Variants in MYO19 observed in about 807,000 individuals in gnomAD.
MYO19 encodes the protein unconventional myosin-XIX.
In MYO19, 132 loss-of-function variants were observed where a neutral mutation model predicts 129.2. That is an observed-to-expected ratio of 1.02 (90% CI 0.89 to 1.18). MYO19 has a LOEUF of 1.18. Among genes scored for constraint, MYO19 ranks in the 50% most tolerant of loss-of-function variants. The pLI, the probability that MYO19 is intolerant of heterozygous loss-of-function variation, is 0.00. For missense variants in MYO19, 1,210 were observed against 1,216.7 expected (o/e 0.99, Z 0.08); for synonymous variants, 531 against 477.2 (o/e 1.11, Z -1.47).
chr17:36,504,042 G>A (rs1321201172), intron 19 of MYO19, 22 bp from the exon 20 acceptor site: 2 of 1,532,404 alleles, frequency 1.3e-6, no homozygotes, highest in African/African-American at 1.4e-5. Context: ...GGGAGACAGG[G>A]CAGGCACCTG....
At chr17:36,515,088 T>A in intron 8 of MYO19, 25 bp downstream of exon 8, 1 of 1,590,234 alleles carries the variant, frequency 6.3e-7, no homozygotes, top group South Asian at 1.1e-5. Context: ...ATCCTCCCAC[T>A]AGCCAGGGCA....
chr17:36,538,258 G>A (rs1469255144), upstream of MYO19: 4 of 1,613,268 alleles, frequency 2.5e-6, no homozygotes, highest in Non-Finnish European at 3.4e-6. Flanking sequence ...ATCCTTCTTA[G>A]TAGTTTATTA....
chr17:36,511,570 G>T, intron 11 of MYO19, 115 bp from the exon 12 acceptor site: 1 of 877,656 alleles, frequency 1.1e-6, no homozygotes, highest in Non-Finnish European at 1.8e-6. Flanking sequence ...TCCCAATCAT[G>T]GCCCAAGTGC....
intron 2 of MYO19, among the ~76,000 whole-genome samples, chr17:36,540,858 T>G (rs1301304827): frequency 6.6e-6 from 1 of 152,208 alleles, no homozygotes; most frequent in African/African-American, 2.4e-5. Flanking sequence ...TCTAATCAAC[T>G]ATCATTTTCC....
In MYO19 at chr17:36,501,314, C is replaced by T. The variant is rs2071513190; in HGVS notation, c.2081-79G>A. The T allele has an allele frequency of 2.5e-5, 36 of 1,433,850 alleles. No homozygotes were observed. The South Asian group carries it at 3.7e-4, about 15-fold the overall frequency. The allele number at this position is 1,433,850 out of a possible 1,614,324, so 88.8% of individuals were successfully genotyped here. A position where few individuals can be genotyped will look rare whatever the true frequency, so the allele number is the denominator to read the frequency against. On this transcript the variant is annotated intron_variant, in intron 21 of 25. Coordinates refer to ENST00000614623, the MANE Select transcript of MYO19 (RefSeq NM_001163735.2). ...GGCCTGAAGAAACTGGCTTTGGCCTCCCTAGCACTCTACAGGTCTCTTTCC... is the reference window on the plus strand; with the variant it reads ...GGCCTGAAGAAACTGGCTTTGGCCTTCCTAGCACTCTACAGGTCTCTTTCC...
At chr17:36,507,216 A>G in intron 16 of MYO19, 77 bp from the exon 17 acceptor site, 2 of 1,547,286 alleles carry the variant, frequency 1.3e-6, no homozygotes, top group Non-Finnish European at 1.8e-6. Flanking sequence ...CACCCTGTGG[A>G]CCCCATGACA....
chr17:36,512,820 C>A, intron 11 of MYO19: 1 of 1,264,126 alleles, frequency 7.9e-7, no homozygotes, highest in Non-Finnish European at 1.0e-6. Flanking sequence ...TCAGCTCTGT[C>A]AGCAAAGACA....
rs370366450 is a variant in MYO19, at chr17:36,507,412, G to A, written c.1454C>T (p.Ser485Phe). 9 of 1,613,334 alleles carry A rather than the reference G, an allele frequency of 5.6e-6. No homozygotes were observed. Among genetic ancestry groups the A allele is most frequent in the African/African-American group, 4.0e-5 (3 of 74,914 alleles). The change falls in exon 16 of 26, where the codon TCC (serine) becomes TTC (phenylalanine). Residue 485 changes from serine to phenylalanine, a missense_variant. Ser to Phe is a radical substitution (Grantham distance 155). Transcript: ENST00000614623. ...TGACCTCCCCACCTCATTTATGAGG[G>A]AGCAGATGCTGATGGGGCTTCCCTC... is the stretch of plus-strand genomic sequence containing the variant. ...LIEGSPISIC[S>F]LINEECRLNR... is the part of the protein sequence containing the mutation.
intron 3 of MYO19, among the ~76,000 whole-genome samples, chr17:36,531,366 G>T (rs1478141245): frequency 1.5e-5 from 2 of 137,724 alleles, no homozygotes; most frequent in Admixed American, 1.6e-4. Flanking sequence ...CTACACTCCA[G>T]CCTGGATGAC....
chr17:36,497,988 C>T (rs890990479), intron 25 of MYO19: 1 of 446,932 alleles, frequency 2.2e-6, no homozygotes, highest in Non-Finnish European at 4.0e-6. Flanking sequence ...TTGCTAGAAA[C>T]GCAGCATTGC....
Position 36,506,713 on chromosome 17 carries a change from G to A in MYO19, c.1645-105C>T, listed in dbSNP as rs934016114. ...GATGACGGGGCTTCCAGGTAGGACA[G>A]GGCCTGAGTCCAAGAGAAGGTCCAT... is the stretch of plus-strand genomic sequence containing the variant. On this transcript the variant is annotated intron_variant, in intron 17 of 25. Coordinates refer to ENST00000614623, the MANE Select transcript of MYO19 (RefSeq NM_001163735.2). 2.9e-6 allele frequency: 4 copies of A among 1,359,148 alleles called. No homozygotes were observed. The African/African-American group carries it at 4.4e-5, about 15-fold the overall frequency. The allele number at this position is 1,359,148 out of a possible 1,614,324, so 84.2% of individuals were successfully genotyped here. A position where few individuals can be genotyped will look rare whatever the true frequency, so the allele number is the denominator to read the frequency against.
chr17:36,527,730 G>T lies in MYO19; in HGVS notation c.152-31C>A, dbSNP rs373140861. 7 of 1,595,026 alleles carry T rather than the reference G, an allele frequency of 4.4e-6. No individual in the cohort carries two copies. The African/African-American group carries it at 6.7e-5, about 15-fold the overall frequency. On this transcript the variant is annotated intron_variant, in intron 4 of 25. Coordinates refer to ENST00000614623, the MANE Select transcript of MYO19 (RefSeq NM_001163735.2). ...GCAGAGATGCCTTTAGCAAACTCGG[G>T]CTCAAATATAGTCAAACCACACACA...
At chr17:36,516,117 C>T in intron 6 of MYO19, 127 bp from the exon 7 acceptor site, 1 of 1,132,942 alleles carries the variant, frequency 8.8e-7, no homozygotes, top group Non-Finnish European at 1.2e-6. Flanking sequence ...TGGGTGAAGG[C>T]AGAATTCAAC....
rs2142110340 is a variant in MYO19 at position 36,515,766 on chromosome 17, A to G, written c.547+92T>C. On this transcript the variant is annotated intron_variant, in intron 7 of 25. Transcript: ENST00000614623. ...CACTCATCCTCCACCCCCACCCAAG[A>G]GAGGGTCTCAAAGCACTGTCCCTCT... 2.8e-6 allele frequency: 4 copies of G among 1,426,682 alleles called. No individual in the cohort carries two copies. The South Asian group carries it at 5.4e-5, about 19-fold the overall frequency. The allele number at this position is 1,426,682 out of a possible 1,614,324, so 88.4% of individuals were successfully genotyped here.
chr17:36,524,186 T>C (rs1283715587), intron 6 of MYO19, among the ~76,000 whole-genome samples: 5 of 152,156 alleles, frequency 3.3e-5, no homozygotes, highest in Non-Finnish European at 7.3e-5. Context: ...ATATAGCTCC[T>C]AGAGATCCCC....
intron 19 of MYO19, chr17:36,504,931 G>T: frequency 2.2e-5 from 5 of 225,368 alleles, no homozygotes; most frequent in African/African-American, 5.0e-5. Flanking sequence ...AAAAAAAAAA[G>T]AAAAAAATGA....
rs150483532 is a variant in MYO19, at chr17:36,497,641, G to A, written c.2757+625C>T. ...GTCCTGTCACCCAGGCTGGAGTGCA[G>A]CGGCGCAATCTCGGCTCACTGCAAC... On this transcript the variant is annotated intron_variant, in intron 25 of 25. Transcript: ENST00000614623. 2,123 of 708,780 alleles carry A rather than the reference G, an allele frequency of 3.0e-3. 5 individuals carry two copies. Among genetic ancestry groups the A allele is most frequent in the Admixed American group, 3.6e-3 (57 of 15,872 alleles). 43.9% of individuals were successfully genotyped at this position (708,780 alleles called of 1,614,324 possible). A position where few individuals can be genotyped will look rare whatever the true frequency, so the allele number is the denominator to read the frequency against.
chr17:36,518,806 A>G (rs1009086871), intron 6 of MYO19, among the ~76,000 whole-genome samples: 4 of 151,784 alleles, frequency 2.6e-5, no homozygotes, highest in Admixed American at 6.6e-5. Context: ...AGACAGATAG[A>G]TAGATTTTTT....
intron 6 of MYO19, among the ~76,000 whole-genome samples, chr17:36,518,911 CT>C (rs1317228245): frequency 2.0e-5 from 3 of 151,954 alleles, no homozygotes; most frequent in Non-Finnish European, 4.4e-5. Flanking sequence ...TTCTAGGTGT[CT>C]TTGTTGTTTA....
Sources: gnomAD v4.1 joint callset for allele counts (sites outside exome capture counted in the v4.1 genomes callset) on GRCh38, gnomAD v4.1.1 for gene constraint, MANE v1.5 for transcripts, NCBI Gene and HGNC (gene_info 2026-07-23, HGNC 2026-07-21) for gene names.